FAAH2: variants seen among roughly 807,000 people sequenced by gnomAD.
FAAH2 encodes fatty acid amide hydrolase 2.
Under a neutral mutation model 36.9 loss-of-function variants are expected in FAAH2, and 60 were observed. That is an observed-to-expected ratio of 1.63 (90% CI 1.32 to 2.02). The LOEUF is 2.02. Among genes scored for constraint, FAAH2 ranks in the 30% most tolerant of loss-of-function variants. The pLI, the probability that FAAH2 is intolerant of heterozygous loss-of-function variation, is 0.00. For missense variants in FAAH2, 689 were observed against 397.5 expected (o/e 1.73, Z -6.23); for synonymous variants, 214 against 143.8 (o/e 1.49, Z -3.49).
intron 7 of FAAH2, among the ~76,000 whole-genome samples, chrX:57,403,428 C>G (rs191835508): frequency 8.9e-6 from 1 of 112,757 alleles, no homozygotes; most frequent in East Asian, 2.8e-4. Flanking sequence ...GGTCCTTTAC[C>G]AGCAAGCCTG....
At chrX:57,267,810 A>G in the FAAH2 span, among the ~76,000 whole-genome samples, 1 of 112,115 alleles carries the variant, frequency 8.9e-6, no homozygotes. Flanking sequence ...ACAATCAAAC[A>G]CTCATGGTTA....
intron 3 of FAAH2, among the ~76,000 whole-genome samples, chrX:57,331,099 C>T (rs1156779948): frequency 9.0e-6 from 1 of 111,537 alleles, no homozygotes; most frequent in East Asian, 2.8e-4. Flanking sequence ...CCAGTCTAGC[C>T]TAGGGGCATG....
the FAAH2 span, among the ~76,000 whole-genome samples, chrX:57,261,858 G>C: frequency 9.0e-6 from 1 of 111,066 alleles, no homozygotes; most frequent in African/African-American, 3.3e-5. Context: ...AATAACAAAG[G>C]CTTAACTAAG....
chrX:57,265,309 T>A, the FAAH2 span, among the ~76,000 whole-genome samples: 1 of 111,596 alleles, frequency 9.0e-6, no homozygotes, highest in African/African-American at 3.3e-5. Context: ...AAGAAAGAAG[T>A]TGAATCCAGG....
At chrX:57,209,427 G>A in the FAAH2 span, among the ~76,000 whole-genome samples, 1 of 111,373 alleles carries the variant, frequency 9.0e-6, no homozygotes, top group Non-Finnish European at 1.9e-5. Context: ...CCTTCCCTTC[G>A]TGGGTGTCAG....
At chrX:57,197,699 G>T in the FAAH2 span, among the ~76,000 whole-genome samples, 1 of 111,723 alleles carries the variant, frequency 9.0e-6, no homozygotes, top group South Asian at 3.7e-4. Flanking sequence ...ATACAGAGGA[G>T]TGTCTGCAAA....
At chrX:57,377,914 T>C (rs772650369) in intron 5 of FAAH2, among the ~76,000 whole-genome samples, 63 of 112,066 alleles carry the variant, frequency 5.6e-4, no homozygotes, top group Non-Finnish European at 9.0e-4. Flanking sequence ...CAATTGTGAA[T>C]GAGCGCTCAC....
chrX:57,306,683 C>A (rs2052531716), intron 2 of FAAH2, among the ~76,000 whole-genome samples: 1 of 70,185 alleles, frequency 1.4e-5, no homozygotes, highest in African/African-American at 5.1e-5. Flanking sequence ...ACGAGACTAG[C>A]AACATCTTGT....
the FAAH2 span, among the ~76,000 whole-genome samples, chrX:57,236,105 C>A: frequency 8.9e-6 from 1 of 111,970 alleles, no homozygotes; most frequent in Non-Finnish European, 1.9e-5. Context: ...AGTTTTCTTT[C>A]TGTGCCTCGC....
chrX:57,133,592 C>G, the FAAH2 span, among the ~76,000 whole-genome samples: 1 of 111,642 alleles, frequency 9.0e-6, no homozygotes, highest in Non-Finnish European at 1.9e-5. Flanking sequence ...AATGAGGGCC[C>G]TAATCCTCAC....
chrX:57,144,211 G>GT, the FAAH2 span, among the ~76,000 whole-genome samples: 4 of 111,185 alleles, frequency 3.6e-5, no homozygotes, highest in African/African-American at 1.3e-4. Flanking sequence ...ATGTTATTTG[G>GT]TTTTTTCTTT....
At chrX:57,418,847 T>A (rs1035876421) in intron 7 of FAAH2, among the ~76,000 whole-genome samples, 5 of 104,917 alleles carry the variant, frequency 4.8e-5, no homozygotes, top group Non-Finnish European at 7.8e-5. Context: ...ATTAGGTATA[T>A]CTCCTAATGC....
At position 57,357,338 on chromosome X, in the gene FAAH2, T is replaced by C. The variant is rs200593464; in HGVS notation, c.742+15948T>C. Among the ~76,000 whole-genome samples the C allele has an allele frequency of 2.2e-4, 24 of 111,062 alleles. 1 individual carries two copies. In the East Asian group the frequency reaches 6.5e-3, roughly 30 times the overall value. ...CAAAAGCCTAAATTGACAAATGGGA[T>C]CTAAATAACCTAAAGAGCTTCTGCA... is the stretch of plus-strand genomic sequence containing the variant. On this transcript the variant is annotated intron_variant, in intron 5 of 10. Coordinates refer to ENST00000374900, the MANE Select transcript of FAAH2 (RefSeq NM_174912.4).
At chrX:57,340,235 ACT>A (rs2053653877) in intron 4 of FAAH2, among the ~76,000 whole-genome samples, 1 of 111,249 alleles carries the variant, frequency 9.0e-6, no homozygotes, top group Non-Finnish European at 1.9e-5. Flanking sequence ...AGACACAGCA[ACT>A]CTGCTCTTTC....
At chrX:57,206,453 G>A in the FAAH2 span, among the ~76,000 whole-genome samples, 7 of 111,474 alleles carry the variant, frequency 6.3e-5, no homozygotes, top group African/African-American at 2.3e-4. Flanking sequence ...CATAACATTG[G>A]AGTAATATTT....
chrX:57,142,654 CTT>C, the FAAH2 span, among the ~76,000 whole-genome samples: 1 of 111,064 alleles, frequency 9.0e-6, no homozygotes, highest in Admixed American at 9.6e-5. Flanking sequence ...TCTGATATTT[CTT>C]TGTTAATTTT....
At chrX:57,145,164 A>T in the FAAH2 span, among the ~76,000 whole-genome samples, 2 of 110,689 alleles carry the variant, frequency 1.8e-5, no homozygotes. Flanking sequence ...ACTAGTTTAC[A>T]TTCCCACCAG....
intron 5 of FAAH2, among the ~76,000 whole-genome samples, chrX:57,343,772 T>A (rs948005128): frequency 8.9e-6 from 1 of 111,755 alleles, no homozygotes; most frequent in Non-Finnish European, 1.9e-5. Context: ...ATTTAATTTA[T>A]ATTTAGTTAA....
At chrX:57,341,894 T>A (rs1382281755) in intron 5 of FAAH2, among the ~76,000 whole-genome samples, 1 of 111,347 alleles carries the variant, frequency 9.0e-6, no homozygotes, top group East Asian at 2.8e-4. Flanking sequence ...TATTGGCATT[T>A]ACTGTTTTTT....
Sources: allele counts gnomAD v4.1 joint callset (sites outside exome capture counted in the v4.1 genomes callset), GRCh38; gene constraint gnomAD v4.1.1; transcripts MANE v1.5; gene names NCBI Gene and HGNC (gene_info 2026-07-23, HGNC 2026-07-21).